Variants in CASTOR2 observed in about 807,000 individuals in gnomAD.
The protein encoded by CASTOR2 is cytosolic arginine sensor for mTORC1 subunit 2.
Under a neutral mutation model 31.2 loss-of-function variants are expected in CASTOR2, and 8 were observed. The ratio of observed to expected loss-of-function variants is 0.26; its 90% CI spans 0.15 to 0.46. The LOEUF (loss-of-function observed/expected upper bound fraction) is 0.46, where lower values mean the gene tolerates loss of function less well. Ranked by LOEUF, CASTOR2 falls within the 20% of genes least tolerant of loss-of-function variation. The pLI, the probability that CASTOR2 is intolerant of heterozygous loss-of-function variation, is 0.99. For synonymous variants in CASTOR2, 162 were observed against 158.7 expected, an observed-to-expected ratio of 1.02 and a Z score of -0.16; for missense variants, 216 against 382.1, an observed-to-expected ratio of 0.57 and a Z score of 3.62.
intron 2 of CASTOR2, among the ~76,000 whole-genome samples, chr7:75,014,141 G>A (rs1318505824): frequency 1.3e-5 from 2 of 152,098 alleles, no homozygotes; most frequent in Admixed American, 6.6e-5. Context: ...AGTTAGAGGG[G>A]CCCAGTGCTT....
intron 2 of CASTOR2, among the ~76,000 whole-genome samples, chr7:75,011,257 C>T (rs587748408): frequency 1.2e-4 from 18 of 151,664 alleles, no homozygotes; most frequent in African/African-American, 3.6e-4. Flanking sequence ...GGTGAAACCC[C>T]GTCTCTACTA....
intron 1 of CASTOR2, among the ~76,000 whole-genome samples, chr7:74,993,445 C>CTTT (rs1156811360): frequency 5.2e-5 from 4 of 77,616 alleles, no homozygotes; most frequent in Non-Finnish European, 5.0e-5. Context: ...CCTCCTTTGT[C>CTTT]TTTTTTTTTT....
chr7:74,976,531 TCTCCTC>T (rs369879917), intron 1 of CASTOR2, among the ~76,000 whole-genome samples: 9,227 of 118,718 alleles, frequency 0.078, 1,390 homozygotes, highest in African/African-American at 0.29. Flanking sequence ...TGAGACCCTG[TCTCCTC>T]CTCCTCCTCC....
rs1805127156 is a variant in CASTOR2 at position 75,026,195 on chromosome 7, T to TG, written c.*1496_*1497insG. ...GGTTTTGGCTCTGGCGGGGGTTTTTTTTTTTTTTTTTGAGATGGGAGTCTG... is the reference window on the plus strand; with the variant it reads ...GGTTTTGGCTCTGGCGGGGGTTTTTTGTTTTTTTTTTTGAGATGGGAGTCTG... On this transcript the variant is annotated 3_prime_UTR_variant, in exon 9 of 9. Transcript: ENST00000616305. Among the ~76,000 whole-genome samples the TG allele has an allele frequency of 2.1e-5, 3 of 145,914 alleles. No homozygotes were observed. Among genetic ancestry groups the TG allele is most frequent in the African/African-American group, 2.5e-5 (1 of 39,658 alleles).
At chr7:75,020,522 GCT>G (rs1458334513) in intron 6 of CASTOR2, among the ~76,000 whole-genome samples, 1 of 145,088 alleles carries the variant, frequency 6.9e-6, no homozygotes, top group Non-Finnish European at 1.5e-5. Context: ...ACGGAGTCTC[GCT>G]CTGTCGCCCA....
At chr7:74,995,535 C>T (rs1438700646) in intron 1 of CASTOR2, among the ~76,000 whole-genome samples, 7 of 121,058 alleles carry the variant, frequency 5.8e-5, no homozygotes, top group South Asian at 2.4e-4. Context: ...AGGCCGGGTG[C>T]GGTGGCTCAC....
Position 75,019,039 on chromosome 7 carries a change from T to C in CASTOR2, c.579T>C (p.Pro193=). Residue 193 remains proline (P), a synonymous_variant, in exon 5 of 9, where the codon CCT becomes CCC. Transcript: ENST00000616305. ...SNRFCVTSLD[P]DTLPAVATLL... ...GGTTCTGTGTCACCAGCCTGGACCCTGACACGCTGCCTGCTGTTGCCACAC... is the reference window on the plus strand; with the variant it reads ...GGTTCTGTGTCACCAGCCTGGACCCCGACACGCTGCCTGCTGTTGCCACAC... 2 of 1,551,930 alleles carry C rather than the reference T, an allele frequency of 1.3e-6. No individual in the cohort carries two copies. Among genetic ancestry groups the C allele is most frequent in the Non-Finnish European group, 1.7e-6 (2 of 1,147,040 alleles).
intron 1 of CASTOR2, among the ~76,000 whole-genome samples, chr7:75,001,611 C>T (rs1395992236): frequency 0.015 from 2,305 of 152,246 alleles, 30 homozygotes; most frequent in Non-Finnish European, 0.023. Flanking sequence ...CACATGAGGG[C>T]GGACAGGGTT....
chr7:74,994,435 A>G (rs1236207089), intron 1 of CASTOR2, among the ~76,000 whole-genome samples: 5 of 152,254 alleles, frequency 3.3e-5, no homozygotes, highest in East Asian at 3.9e-4. Flanking sequence ...AGCAACAACT[A>G]TGTCAGAGAG....
chr7:75,018,128 C>G lies in CASTOR2; in HGVS notation c.511+6C>G. 6.2e-7 allele frequency: 1 copy of G among 1,613,804 alleles called. No individual in the cohort carries two copies. The highest frequency in any genetic ancestry group is 8.5e-7 in the Non-Finnish European group (1 of 1,179,788). ...CTTCGTGAAGCCCAAGCTGGGTGAG[C>G]TGGGGGCGGGGGTTTGTGCAGGGGA... On this transcript the variant is annotated splice_donor_region_variant and intron_variant, in intron 4 of 8. Transcript: ENST00000616305.
intron 1 of CASTOR2, among the ~76,000 whole-genome samples, chr7:74,996,364 GACA>G (rs1271994512): frequency 7.2e-5 from 11 of 152,076 alleles, no homozygotes; most frequent in Non-Finnish European, 1.2e-4. Context: ...CATGTGACAG[GACA>G]ACAACTCCAG....
chr7:75,022,849 A>T (rs1267611258), intron 7 of CASTOR2, among the ~76,000 whole-genome samples: 1 of 152,230 alleles, frequency 6.6e-6, no homozygotes, highest in African/African-American at 2.4e-5. Flanking sequence ...GGGCTGTGAT[A>T]AAAATTAAAG....
At chr7:75,020,946 G>A (rs1490334898) in intron 6 of CASTOR2, among the ~76,000 whole-genome samples, 1 of 151,724 alleles carries the variant, frequency 6.6e-6, no homozygotes, top group African/African-American at 2.4e-5. Flanking sequence ...ACAGGTGCCT[G>A]CCACCACACC....
In CASTOR2 at chr7:75,029,004, G is replaced by A. The variant is rs1342159148; in HGVS notation, c.*4305G>A. 1.3e-5 allele frequency among the ~76,000 whole-genome samples: 2 copies of A among 152,262 alleles called. No individual in the cohort carries two copies. Among genetic ancestry groups the A allele is most frequent in the East Asian group, 1.9e-4 (1 of 5,206 alleles). ...CAGTGTGGCCTCCGGAAGCAGCAGC[G>A]TAGCCAGGGTGACATTTGTTCAGCA... On this transcript the variant is annotated 3_prime_UTR_variant, in exon 9 of 9. Transcript: ENST00000616305.
intron 7 of CASTOR2, 114 bp downstream of exon 7, chr7:75,022,070 G>A: frequency 8.0e-7 from 1 of 1,253,448 alleles, no homozygotes; most frequent in Non-Finnish European, 1.1e-6. Flanking sequence ...TGGGGAGACT[G>A]AGGCTTGGGG....
chr7:74,995,838 G>T lies in CASTOR2; in HGVS notation c.114-12156G>T, dbSNP rs1407381823. Among the ~76,000 whole-genome samples the T allele has an allele frequency of 6.2e-3, 948 of 151,962 alleles. 9 individuals are homozygous for T. Among genetic ancestry groups the T allele is most frequent in the Non-Finnish European group, 0.01 (685 of 67,934 alleles). On this transcript the variant is annotated intron_variant, in intron 1 of 8. Coordinates refer to ENST00000616305, the MANE Select transcript of CASTOR2 (RefSeq NM_001145064.3). ...AAAAAAAAAAAAATTAGCCAGGCAT[G>T]GTGGTGTGCACCTGTAGTTGCAGCA... is the stretch of plus-strand genomic sequence containing the variant.
In CASTOR2 at chr7:75,018,176, C is replaced by G; in HGVS notation, c.511+54C>G. 1.9e-6 allele frequency: 3 copies of G among 1,590,982 alleles called. No individual in the cohort carries two copies. The South Asian group carries it at 3.4e-5, about 18-fold the overall frequency. On this transcript the variant is annotated intron_variant, in intron 4 of 8. Transcript: ENST00000616305. ...GGAAACCTCACGAAGTTACCAGGCC[C>G]AGCCGCAGACCAGCCTTACTCTCAG... is the stretch of plus-strand genomic sequence containing the variant.
chr7:74,977,692 C>G lies in CASTOR2; in HGVS notation c.113+12594C>G, dbSNP rs868933133. Among the ~76,000 whole-genome samples, 43 of 150,690 alleles carry G rather than the reference C, an allele frequency of 2.9e-4. No homozygotes were observed. In the South Asian group the frequency reaches 6.4e-3, roughly 22 times the overall value. On this transcript the variant is annotated intron_variant, in intron 1 of 8. Coordinates refer to ENST00000616305, the MANE Select transcript of CASTOR2 (RefSeq NM_001145064.3). ...CACCGCACCTGGCCTGAAAAAAATTCTTGAGACAGGATCTCACTGTGTCAC... is the reference window on the plus strand; with the variant it reads ...CACCGCACCTGGCCTGAAAAAAATTGTTGAGACAGGATCTCACTGTGTCAC...
Position 75,024,874 on chromosome 7 carries a change from CCT to C in CASTOR2, c.*179_*180del, listed in dbSNP as rs1805085154. 2.7e-5 allele frequency: 39 copies of C among 1,465,558 alleles called. 1 individual carries two copies. The South Asian group carries it at 4.3e-4, about 16-fold the overall frequency. The allele number at this position is 1,465,558 out of a possible 1,614,324, so 90.8% of individuals were successfully genotyped here. On this transcript the variant is annotated 3_prime_UTR_variant, in exon 9 of 9. Coordinates refer to ENST00000616305, the MANE Select transcript of CASTOR2 (RefSeq NM_001145064.3). ...TCCAGGGCAGGGGCCCACGCCAAGGCCTCTCCATGCCCTCCTGCCTTCCCGGA... is the reference window on the plus strand; with the variant it reads ...TCCAGGGCAGGGGCCCACGCCAAGGCCTCCATGCCCTCCTGCCTTCCCGGA...
Sources: gnomAD v4.1 joint callset for allele counts (sites outside exome capture counted in the v4.1 genomes callset) on GRCh38, gnomAD v4.1.1 for gene constraint, MANE v1.5 for transcripts, NCBI Gene and HGNC (gene_info 2026-07-23, HGNC 2026-07-21) for gene names.